TPX2: variants seen among roughly 807,000 people sequenced by gnomAD.
The protein encoded by TPX2 is targeting protein for Xklp2.
Under a neutral mutation model 93.6 loss-of-function variants are expected in TPX2, and 21 were observed. The ratio of observed to expected loss-of-function variants is 0.22; its 90% CI spans 0.16 to 0.32. The LOEUF (loss-of-function observed/expected upper bound fraction) is 0.32. Ranked by LOEUF, TPX2 falls within the 10% of genes least tolerant of loss-of-function variation. TPX2 has a pLI of 1.00. For synonymous variants in TPX2, 281 were observed against 298.3 expected, an observed-to-expected ratio of 0.94 and a Z score of 0.60; for missense variants, 776 against 871.1, an observed-to-expected ratio of 0.89 and a Z score of 1.37.
At chr20:31,772,284 G>A (rs902651019) in intron 7 of TPX2, among the ~76,000 whole-genome samples, 4 of 152,124 alleles carry the variant, frequency 2.6e-5, no homozygotes, top group African/African-American at 9.7e-5. Context: ...GCCTCCCACA[G>A]TGCTGGGATT....
At chr20:31,798,062 A>T (rs1265057059) in intron 16 of TPX2, among the ~76,000 whole-genome samples, 1 of 152,226 alleles carries the variant, frequency 6.6e-6, no homozygotes, top group Non-Finnish European at 1.5e-5. Flanking sequence ...AAAAGGGAAA[A>T]AAAGAATATT....
At chr20:31,797,751 C>T (rs1404911965) in intron 16 of TPX2, among the ~76,000 whole-genome samples, 1 of 152,184 alleles carries the variant, frequency 6.6e-6, no homozygotes, top group East Asian at 1.9e-4. Flanking sequence ...GCAGAAGCAG[C>T]TGGCATTTCA....
At chr20:31,760,207 CT>C in intron 4 of TPX2, 28 bp downstream of exon 4, 1 of 1,611,868 alleles carries the variant, frequency 6.2e-7, no homozygotes, top group Non-Finnish European at 8.5e-7. Flanking sequence ...AAAAAAGCTC[CT>C]TGATAGAATG....
intron 15 of TPX2, among the ~76,000 whole-genome samples, chr20:31,796,717 T>C (rs927327172): frequency 5.3e-5 from 8 of 152,070 alleles, no homozygotes; most frequent in Non-Finnish European, 8.8e-5. Context: ...TTTTTTTTTT[T>C]TTGGAGGTGG....
chr20:31,786,338 AAAC>A (rs1568602551), intron 12 of TPX2, among the ~76,000 whole-genome samples: 1 of 151,690 alleles, frequency 6.6e-6, no homozygotes, highest in African/African-American at 2.4e-5. Context: ...AAAAAAAAAA[AAAC>A]AACAGTCTAC....
chr20:31,760,786 T>A (rs1224565105), intron 4 of TPX2, among the ~76,000 whole-genome samples: 15 of 152,226 alleles, frequency 9.9e-5, no homozygotes, highest in Non-Finnish European at 1.5e-5. Context: ...CTTGCCATTG[T>A]ACAAGAATTC....
chr20:31,778,840 G>T lies in TPX2; in HGVS notation c.910G>T (p.Val304Phe), dbSNP rs998127706. 6.2e-7 allele frequency: 1 copy of T among 1,601,218 alleles called. No homozygotes were observed. The highest frequency in any genetic ancestry group is 8.5e-7 in the Non-Finnish European group (1 of 1,175,838). ...CCGAGTGACTAAGGGATGTACCATT[G>T]TTAAGCCTTTCAACCTGTCCCAAGG... ...PARVTKGCTIVKPFNLSQGKK... is the reference protein window; with the variant it reads ...PARVTKGCTIFKPFNLSQGKK... Residue 304 changes from valine to phenylalanine, a missense_variant, in exon 10 of 18, where the codon GTT becomes TTT. Transcript: ENST00000300403.
At chr20:31,771,778 C>T (rs1275751654) in intron 7 of TPX2, 96 bp downstream of exon 7, 1 of 1,419,208 alleles carries the variant, frequency 7.0e-7, no homozygotes, top group Non-Finnish European at 9.5e-7. Flanking sequence ...GGTTGGCAAA[C>T]TCCTGAAGCT....
chr20:31,798,146 T>C (rs763818317), intron 16 of TPX2, among the ~76,000 whole-genome samples: 6 of 152,228 alleles, frequency 3.9e-5, no homozygotes, highest in Non-Finnish European at 8.8e-5. Context: ...TGTCTTTGCC[T>C]TTTTCCCAAT....
At chr20:31,776,740 T>G (rs905001341) in intron 8 of TPX2, among the ~76,000 whole-genome samples, 34 of 151,762 alleles carry the variant, frequency 2.2e-4, no homozygotes, top group African/African-American at 8.0e-4. Context: ...TTGGCCAGGC[T>G]GGTCTCGAGC....
At chr20:31,777,354 T>G (rs1218589712) in intron 8 of TPX2, 133 bp from the exon 9 acceptor site, 1 of 1,031,754 alleles carries the variant, frequency 9.7e-7, no homozygotes, top group African/African-American at 1.6e-5. Context: ...ACTTCAAGTT[T>G]TGGGTTACAG....
Position 31,760,324 on chromosome 20 carries a change from A to G in TPX2, c.229+145A>G, listed in dbSNP as rs573714980. On this transcript the variant is annotated intron_variant, in intron 4 of 17. Coordinates refer to ENST00000300403, the MANE Select transcript of TPX2 (RefSeq NM_012112.5). ...GGCTAATTCATTTCATGATAAATGT[A>G]AAACTAATGATGTGCTACACTTAAA... 2.7e-6 allele frequency: 3 copies of G among 1,109,772 alleles called. No individual in the cohort carries two copies. The African/African-American group carries it at 4.9e-5, about 18-fold the overall frequency. The allele number at this position is 1,109,772 out of a possible 1,614,324, so 68.7% of individuals were successfully genotyped here. A position where few individuals can be genotyped will look rare whatever the true frequency, so the allele number is the denominator to read the frequency against.
At chr20:31,800,904 A>G (rs2062167158) in intron 17 of TPX2, 66 bp from the exon 18 acceptor site, 1 of 1,325,256 alleles carries the variant, frequency 7.5e-7, no homozygotes. Flanking sequence ...AAAGAAAAAA[A>G]TAAAAGCAAT....
chr20:31,799,897 CA>C (rs533016889), intron 17 of TPX2, among the ~76,000 whole-genome samples: 1,625 of 63,952 alleles, frequency 0.025, 18 homozygotes, highest in African/African-American at 0.052. Context: ...GAGACTGTCT[CA>C]AAAAAAAAAA....
At chr20:31,761,230 C>CT (rs2061888613) in intron 4 of TPX2, among the ~76,000 whole-genome samples, 1 of 138,734 alleles carries the variant, frequency 7.2e-6, no homozygotes, top group African/African-American at 2.7e-5. Context: ...AGACTGGCGT[C>CT]TCACCCTGTT....
At position 31,739,388 on chromosome 20, in the gene TPX2, G is replaced by A. The variant is rs1010815024; in HGVS notation, c.-411G>A. 2.0e-5 allele frequency: 3 copies of A among 152,258 alleles called. No homozygotes were observed. The highest frequency in any genetic ancestry group is 7.2e-5 in the African/African-American group (3 of 41,466). 9.4% of individuals were successfully genotyped at this position (152,258 alleles called of 1,614,324 possible). A position where few individuals can be genotyped will look rare whatever the true frequency, so the allele number is the denominator to read the frequency against. ...AAAAGAGGGAGCAGCTAGGGCGCGG[G>A]TCTCCCTCCTCCCGGAGTTTGGAAC... On this transcript the variant is annotated 5_prime_UTR_variant, in exon 1 of 18. Coordinates refer to ENST00000300403, the MANE Select transcript of TPX2 (RefSeq NM_012112.5).
chr20:31,781,073 G>A, intron 10 of TPX2: 1 of 198,002 alleles, frequency 5.1e-6, no homozygotes, highest in Non-Finnish European at 1.1e-5. Context: ...ATAGGTGCAT[G>A]CCACCATGCT....
At chr20:31,762,106 A>G (rs2061894208) in intron 4 of TPX2, among the ~76,000 whole-genome samples, 1 of 152,042 alleles carries the variant, frequency 6.6e-6, no homozygotes, top group Admixed American at 6.6e-5. Context: ...GAGTTATTTG[A>G]GTTCCTTGTG....
intron 2 of TPX2, among the ~76,000 whole-genome samples, chr20:31,756,748 C>T (rs1258654140): frequency 6.6e-6 from 1 of 152,088 alleles, no homozygotes; most frequent in East Asian, 1.9e-4. Context: ...CTCACCCTCC[C>T]GAGTAGCTAG....
Sources: gnomAD v4.1 joint callset for allele counts (sites outside exome capture counted in the v4.1 genomes callset) on GRCh38, gnomAD v4.1.1 for gene constraint, MANE v1.5 for transcripts, NCBI Gene and HGNC (gene_info 2026-07-23, HGNC 2026-07-21) for gene names.